RAMP3: variants seen among roughly 807,000 people sequenced by gnomAD.
RAMP3 encodes receptor activity-modifying protein 3.
RAMP3 carries 14 observed loss-of-function variants against 13.5 expected under a neutral mutation model. The ratio of observed to expected loss-of-function variants is 1.04; its 90% CI spans 0.69 to 1.63. RAMP3 has a LOEUF of 1.63. Among genes scored for constraint, RAMP3 ranks in the 40% most tolerant of loss-of-function variants. The pLI is 0.00. For missense variants in RAMP3, 200 were observed against 204.8 expected (o/e 0.98, Z 0.14); for synonymous variants, 106 against 88.3 (o/e 1.20, Z -1.12).
At chr7:45,176,004 GGAA>G (rs1160658322) in intron 1 of RAMP3, among the ~76,000 whole-genome samples, 9 of 152,298 alleles carry the variant, frequency 5.9e-5, no homozygotes, top group African/African-American at 2.2e-4. Flanking sequence ...AGCCACACAT[GGAA>G]GAAGATCAGA....
At chr7:45,171,436 G>C (rs141649504) in intron 1 of RAMP3, among the ~76,000 whole-genome samples, 1 of 152,148 alleles carries the variant, frequency 6.6e-6, no homozygotes, top group Non-Finnish European at 1.5e-5. Context: ...GATTACAGGC[G>C]TGAGCCACCA....
intron 1 of RAMP3, among the ~76,000 whole-genome samples, chr7:45,172,893 C>T (rs546823092): frequency 5.9e-5 from 9 of 152,294 alleles, no homozygotes; most frequent in Non-Finnish European, 1.0e-4. Context: ...TGAATTTGGG[C>T]TGTGAATCCA....
chr7:45,180,894 A>G (rs1422396074), intron 2 of RAMP3, among the ~76,000 whole-genome samples: 2 of 152,208 alleles, frequency 1.3e-5, no homozygotes, highest in Non-Finnish European at 2.9e-5. Flanking sequence ...CAGGGGATGA[A>G]TAAATCATAA....
chr7:45,172,232 C>T (rs1272897908), intron 1 of RAMP3, among the ~76,000 whole-genome samples: 2 of 152,226 alleles, frequency 1.3e-5, no homozygotes, highest in African/African-American at 4.8e-5. Flanking sequence ...CAGGGTGAAA[C>T]TGTAGCCCAG....
intron 2 of RAMP3, among the ~76,000 whole-genome samples, chr7:45,181,710 G>A (rs2128658946): frequency 6.6e-6 from 1 of 152,318 alleles, no homozygotes; most frequent in African/African-American, 2.4e-5. Flanking sequence ...GGGAGAAGCA[G>A]GTCAGGGAAG....
chr7:45,180,124 C>A (rs566830816), intron 2 of RAMP3, among the ~76,000 whole-genome samples: 3 of 152,256 alleles, frequency 2.0e-5, no homozygotes. Context: ...GGCGGCTGTG[C>A]GCCAAGGTGT....
At chr7:45,171,173 C>T (rs6952550) in intron 1 of RAMP3, among the ~76,000 whole-genome samples, 39,224 of 144,340 alleles carry the variant, frequency 0.27, 6,209 homozygotes, top group African/African-American at 0.45. Flanking sequence ...TTTTTTTTTT[C>T]GAGACAGAGT....
At chr7:45,169,546 C>T (rs11763689) in intron 1 of RAMP3, among the ~76,000 whole-genome samples, 39,947 of 152,122 alleles carry the variant, frequency 0.26, 6,374 homozygotes, top group African/African-American at 0.44. Context: ...GTACCATAAT[C>T]TGGGTGACTT....
Position 45,176,586 on chromosome 7 carries a change from C to T in RAMP3, c.59-723C>T, listed in dbSNP as rs559408817. ...AAATGGGATGACCGTGGAGACAGGC[C>T]CTGAAGGACAGGGGGCATTGCTCAG... On this transcript the variant is annotated intron_variant, in intron 1 of 2. Coordinates refer to ENST00000242249, the MANE Select transcript of RAMP3 (RefSeq NM_005856.3). Among the ~76,000 whole-genome samples the T allele has an allele frequency of 1.4e-4, 21 of 152,108 alleles. No homozygotes were observed. The South Asian group carries it at 3.5e-3, about 26-fold the overall frequency.
At chr7:45,182,374 C>T (rs1786333567) in intron 2 of RAMP3, among the ~76,000 whole-genome samples, 2 of 152,268 alleles carry the variant, frequency 1.3e-5, no homozygotes, top group South Asian at 4.1e-4. Flanking sequence ...AGGTCATCAC[C>T]TCCACAGGCT....
chr7:45,170,921 G>A (rs1786068442), intron 1 of RAMP3, among the ~76,000 whole-genome samples: 1 of 151,360 alleles, frequency 6.6e-6, no homozygotes, highest in South Asian at 2.1e-4. Context: ...GAGTCACCAT[G>A]TCCAGCCTTT....
At chr7:45,160,164 C>T (rs371734592) in intron 1 of RAMP3, among the ~76,000 whole-genome samples, 1 of 151,594 alleles carries the variant, frequency 6.6e-6, no homozygotes, top group South Asian at 2.1e-4. Context: ...AACTCCGTCT[C>T]TACTAAAAAT....
chr7:45,171,821 A>G (rs114596593), intron 1 of RAMP3, among the ~76,000 whole-genome samples: 62 of 152,294 alleles, frequency 4.1e-4, no homozygotes, highest in African/African-American at 1.4e-3. Context: ...TCTGTTCCAA[A>G]TATAGTCAAT....
intron 2 of RAMP3, among the ~76,000 whole-genome samples, chr7:45,181,735 A>G (rs1786319433): frequency 6.6e-6 from 1 of 152,150 alleles, no homozygotes. Flanking sequence ...GGGTTTGTCC[A>G]TGGACCTAGC....
chr7:45,158,517 T>C (rs1466092719), intron 1 of RAMP3, among the ~76,000 whole-genome samples: 1 of 152,134 alleles, frequency 6.6e-6, no homozygotes, highest in Non-Finnish European at 1.5e-5. Flanking sequence ...TAGATTAAAC[T>C]AAAAGCTTGT....
chr7:45,170,824 AT>A (rs1310092386), intron 1 of RAMP3, among the ~76,000 whole-genome samples: 12 of 151,914 alleles, frequency 7.9e-5, no homozygotes, highest in Non-Finnish European at 4.4e-5. Context: ...AAAAAATTTT[AT>A]TTTATAGAGA....
chr7:45,171,537 A>G (rs1786082603), intron 1 of RAMP3, among the ~76,000 whole-genome samples: 1 of 152,116 alleles, frequency 6.6e-6, no homozygotes, highest in African/African-American at 2.4e-5. Context: ...GCTTTAACAA[A>G]GTCTCATGTC....
At chr7:45,161,910 A>G (rs1333613410) in intron 1 of RAMP3, among the ~76,000 whole-genome samples, 1 of 152,116 alleles carries the variant, frequency 6.6e-6, no homozygotes, top group Admixed American at 6.5e-5. Context: ...GGCGGAGCTC[A>G]GGAGACCCAC....
intron 2 of RAMP3, among the ~76,000 whole-genome samples, chr7:45,179,239 G>T (rs1241488222): frequency 6.6e-6 from 1 of 152,146 alleles, no homozygotes; most frequent in Non-Finnish European, 1.5e-5. Context: ...TTTCTGAGGA[G>T]TGAGACCAGC....
Sources: gnomAD v4.1 joint callset for allele counts (sites outside exome capture counted in the v4.1 genomes callset) on GRCh38, gnomAD v4.1.1 for gene constraint, MANE v1.5 for transcripts, NCBI Gene and HGNC (gene_info 2026-07-23, HGNC 2026-07-21) for gene names.